LRRC4C: variants seen among roughly 807,000 people sequenced by gnomAD.
The protein encoded by LRRC4C is leucine rich repeat containing 4C.
A neutral mutation model predicts 33.6 loss-of-function variants in LRRC4C; 5 were observed. The ratio of observed to expected loss-of-function variants is 0.15; its 90% CI spans 0.08 to 0.31. The LOEUF (loss-of-function observed/expected upper bound fraction) is 0.31. Among genes scored for constraint, LRRC4C ranks in the 10% least tolerant of loss-of-function variants. The probability of loss-of-function intolerance (pLI) is 1.00; values close to 1 mark genes in which losing one functional copy is unlikely to be tolerated. For synonymous variants in LRRC4C, 329 were observed against 302.0 expected (o/e 1.09, Z -0.93); for missense variants, 560 against 796.7 (o/e 0.70, Z 3.58).
intron 1 of LRRC4C, among the ~76,000 whole-genome samples, chr11:41,400,248 T>A (rs971140011): frequency 6.6e-6 from 1 of 151,970 alleles, no homozygotes; most frequent in Non-Finnish European, 1.5e-5. Flanking sequence ...GAAACTGTTA[T>A]AAATGTTAAA....
At chr11:40,543,162 C>T (rs1204537146) in intron 3 of LRRC4C, among the ~76,000 whole-genome samples, 1 of 151,846 alleles carries the variant, frequency 6.6e-6, no homozygotes, top group Non-Finnish European at 1.5e-5. Flanking sequence ...GCCAGTCATG[C>T]ATTACTCTCT....
intron 3 of LRRC4C, among the ~76,000 whole-genome samples, chr11:40,586,325 G>GT (rs1418773812): frequency 3.9e-4 from 59 of 149,856 alleles, no homozygotes; most frequent in African/African-American, 1.2e-3. Flanking sequence ...GGGGTTGTTT[G>GT]TTTTTTTCTT....
chr11:41,381,826 A>G (rs1953166208), intron 1 of LRRC4C, among the ~76,000 whole-genome samples: 1 of 151,628 alleles, frequency 6.6e-6, no homozygotes, highest in South Asian at 2.1e-4. Context: ...TTTATAAATA[A>G]AACCTTTATC....
intron 3 of LRRC4C, among the ~76,000 whole-genome samples, chr11:40,503,456 A>G (rs531955977): frequency 6.6e-6 from 1 of 152,254 alleles, no homozygotes; most frequent in African/African-American, 2.4e-5. Context: ...TGTCTAACCA[A>G]TTTGCTGAAA....
At chr11:41,377,104 C>A (rs1952964474) in intron 1 of LRRC4C, among the ~76,000 whole-genome samples, 1 of 152,124 alleles carries the variant, frequency 6.6e-6, no homozygotes, top group Non-Finnish European at 1.5e-5. Flanking sequence ...CAAGTTTGTG[C>A]AGAGTTCATT....
intron 5 of LRRC4C, among the ~76,000 whole-genome samples, chr11:40,226,849 A>G (rs1162060058): frequency 6.6e-6 from 1 of 152,198 alleles, no homozygotes; most frequent in East Asian, 1.9e-4. Context: ...TTGCATTTCA[A>G]TAGTTATTTA....
At chr11:40,481,021 T>C (rs1411232982) in intron 3 of LRRC4C, among the ~76,000 whole-genome samples, 1 of 151,182 alleles carries the variant, frequency 6.6e-6, no homozygotes, top group Non-Finnish European at 1.5e-5. Flanking sequence ...ATTGTGTCTA[T>C]AGTTAATAAC....
chr11:40,430,976 T>G (rs1171335056), intron 3 of LRRC4C, among the ~76,000 whole-genome samples: 1 of 139,008 alleles, frequency 7.2e-6, no homozygotes, highest in African/African-American at 2.7e-5. Flanking sequence ...AGGGATAGCA[T>G]TGGGAGATAT....
chr11:40,978,618 T>A (rs1852263377), intron 1 of LRRC4C, among the ~76,000 whole-genome samples: 1 of 150,450 alleles, frequency 6.6e-6, no homozygotes, highest in Admixed American at 6.7e-5. Flanking sequence ...CCTCTTTCTT[T>A]TTACTGTTTT....
intron 1 of LRRC4C, among the ~76,000 whole-genome samples, chr11:41,331,772 G>C (rs1054666690): frequency 4.6e-5 from 7 of 152,048 alleles, no homozygotes; most frequent in African/African-American, 1.7e-4. Context: ...CCTAAATATT[G>C]GGCACTGACA....
At chr11:41,396,912 C>A (rs1192131431) in intron 1 of LRRC4C, among the ~76,000 whole-genome samples, 4 of 152,002 alleles carry the variant, frequency 2.6e-5, no homozygotes, top group Non-Finnish European at 5.9e-5. Context: ...AGACAGCCTA[C>A]AAAGTGAGAG....
chr11:40,493,435 T>C (rs543341958), intron 3 of LRRC4C, among the ~76,000 whole-genome samples: 1 of 152,204 alleles, frequency 6.6e-6, no homozygotes, highest in South Asian at 2.1e-4. Flanking sequence ...ACAATCATAC[T>C]GTGTATTGGT....
At chr11:41,320,318 A>C (rs993178689) in intron 1 of LRRC4C, among the ~76,000 whole-genome samples, 1 of 152,228 alleles carries the variant, frequency 6.6e-6, no homozygotes, top group Non-Finnish European at 1.5e-5. Context: ...TGAAAGACAT[A>C]GAAGAAAGAA....
At chr11:40,349,070 G>T (rs1014713772) in intron 3 of LRRC4C, among the ~76,000 whole-genome samples, 2 of 151,950 alleles carry the variant, frequency 1.3e-5, no homozygotes, top group Admixed American at 1.3e-4. Flanking sequence ...ATTATTTTTT[G>T]TGTTACAAAC....
At chr11:41,086,887 T>C (rs1235868555) in intron 1 of LRRC4C, among the ~76,000 whole-genome samples, 1 of 148,426 alleles carries the variant, frequency 6.7e-6, no homozygotes, top group African/African-American at 2.5e-5. Context: ...TAGATATGAG[T>C]CTTTTTTTTT....
chr11:41,199,235 C>T (rs1222799836), intron 1 of LRRC4C, among the ~76,000 whole-genome samples: 1 of 152,092 alleles, frequency 6.6e-6, no homozygotes, highest in East Asian at 1.9e-4. Flanking sequence ...TAAATCCTGT[C>T]TCCAAAGATC....
intron 2 of LRRC4C, among the ~76,000 whole-genome samples, chr11:40,748,850 C>A (rs1034954855): frequency 2.0e-5 from 3 of 151,858 alleles, no homozygotes; most frequent in Non-Finnish European, 4.4e-5. Context: ...TTGATTAAAC[C>A]AGACATTAAG....
chr11:41,255,879 T>C (rs975871823), intron 1 of LRRC4C, among the ~76,000 whole-genome samples: 1 of 151,898 alleles, frequency 6.6e-6, no homozygotes, highest in East Asian at 1.9e-4. Flanking sequence ...CAGCCTACAA[T>C]AGCAATCTGA....
At position 40,561,215 on chromosome 11, in the gene LRRC4C, C is replaced by T. The variant is rs72886913; in HGVS notation, c.-270+86927G>A. 3.6e-3 allele frequency among the ~76,000 whole-genome samples: 545 copies of T among 152,128 alleles called. 2 individuals are homozygous for T. The highest frequency in any genetic ancestry group is 6.0e-3 in the Non-Finnish European group (405 of 68,012). On this transcript the variant is annotated intron_variant, in intron 3 of 6. Transcript: ENST00000528697. ...TTATGAGTCTAAGTATCTCAGGACT[C>T]GAATTCAGGTCTAAAACCTGCTACC...
Sources: gnomAD v4.1 joint callset for allele counts (sites outside exome capture counted in the v4.1 genomes callset) on GRCh38, gnomAD v4.1.1 for gene constraint, MANE v1.5 for transcripts, NCBI Gene and HGNC (gene_info 2026-07-23, HGNC 2026-07-21) for gene names.